The following TEX9 variants were observed in gnomAD, a reference collection of about 807,000 sequenced individuals.
The protein encoded by TEX9 is testis expressed 9.
In TEX9, 74 loss-of-function variants were observed where a neutral mutation model predicts 59.6. That is an observed-to-expected ratio of 1.24 (90% CI 1.03 to 1.51). The LOEUF (loss-of-function observed/expected upper bound fraction) is 1.51. Among genes scored for constraint, TEX9 ranks in the 40% most tolerant of loss-of-function variants. TEX9 has a pLI of 0.00. For missense variants in TEX9, 522 were observed against 447.8 expected, an observed-to-expected ratio of 1.17 and a Z score of -1.49; for synonymous variants, 186 against 152.2, an observed-to-expected ratio of 1.22 and a Z score of -1.64.
intron 1 of TEX9, among the ~76,000 whole-genome samples, chr15:56,288,442 C>G (rs1415125539): frequency 6.6e-6 from 1 of 152,024 alleles, no homozygotes; most frequent in Non-Finnish European, 1.5e-5. Context: ...GATAAACTCC[C>G]TCAGATTTTG....
intron 3 of TEX9, among the ~76,000 whole-genome samples, chr15:56,373,709 G>A (rs2047296964): frequency 6.6e-6 from 1 of 152,124 alleles, no homozygotes; most frequent in Non-Finnish European, 1.5e-5. Context: ...TTTTCTAAAA[G>A]CCACTGAAAA....
chr15:56,365,369 C>A, upstream of TEX9: 3 of 1,536,722 alleles, frequency 2.0e-6, no homozygotes, highest in Non-Finnish European at 2.6e-6. Flanking sequence ...GCGTAGGCGC[C>A]CGGGCGGGAG....
At chr15:56,388,801 C>G (rs1596162666) in intron 5 of TEX9, among the ~76,000 whole-genome samples, 3 of 151,800 alleles carry the variant, frequency 2.0e-5, no homozygotes, top group African/African-American at 7.2e-5. Flanking sequence ...ACGCTTAAAT[C>G]TAGTAGAGAG....
chr15:56,355,442 A>G (rs544536939), intron 1 of TEX9, among the ~76,000 whole-genome samples: 4 of 152,122 alleles, frequency 2.6e-5, no homozygotes, highest in African/African-American at 4.8e-5. Context: ...TTGTGGGTCT[A>G]CATCTGGACT....
At chr15:56,329,545 G>A (rs2046097833) in intron 1 of TEX9, among the ~76,000 whole-genome samples, 1 of 152,082 alleles carries the variant, frequency 6.6e-6, no homozygotes, top group Admixed American at 6.5e-5. Context: ...TCAAGATAAT[G>A]CAGAGAAGGA....
downstream of TEX9, among the ~76,000 whole-genome samples, chr15:56,448,672 T>G (rs2050925400): frequency 6.6e-6 from 1 of 152,192 alleles, no homozygotes; most frequent in African/African-American, 2.4e-5. Flanking sequence ...TCTTTGCTAT[T>G]ATGAATAGCA....
At chr15:56,305,099 A>T (rs1596076333) in intron 1 of TEX9, among the ~76,000 whole-genome samples, 3 of 152,306 alleles carry the variant, frequency 2.0e-5, no homozygotes, top group African/African-American at 7.2e-5. Context: ...CTACAGTAAA[A>T]ACTATAAAAC....
At chr15:56,398,241 A>C (rs2048573889) in intron 9 of TEX9, 1 of 152,208 alleles carries the variant, frequency 6.6e-6, no homozygotes, top group South Asian at 2.1e-4. Context: ...AATATCTCAA[A>C]ATCTCTTTAA....
At chr15:56,331,122 G>A (rs2046130587) in intron 1 of TEX9, among the ~76,000 whole-genome samples, 1 of 152,158 alleles carries the variant, frequency 6.6e-6, no homozygotes, top group African/African-American at 2.4e-5. Context: ...GAATATATGT[G>A]CAGCCAACAT....
At chr15:56,420,195 T>A (rs1416270678) in intron 10 of TEX9, among the ~76,000 whole-genome samples, 2 of 151,848 alleles carry the variant, frequency 1.3e-5, no homozygotes, top group Admixed American at 1.3e-4. Context: ...GTTTACTAAT[T>A]CTGGTTTTAT....
At chr15:56,363,972 G>C (rs748760137), upstream of TEX9, among the ~76,000 whole-genome samples, 13 of 150,926 alleles carry the variant, frequency 8.6e-5, no homozygotes, top group Non-Finnish European at 1.6e-4. Flanking sequence ...ATGAGCCACT[G>C]CACCTACCTA....
chr15:56,372,113 T>C (rs2047216673), intron 2 of TEX9, among the ~76,000 whole-genome samples: 1 of 152,130 alleles, frequency 6.6e-6, no homozygotes, highest in Non-Finnish European at 1.5e-5. Flanking sequence ...CATAGTCTTC[T>C]CAGTCATCTT....
intron 1 of TEX9, among the ~76,000 whole-genome samples, chr15:56,269,653 CTT>C (rs1309147898): frequency 6.9e-5 from 9 of 131,334 alleles, no homozygotes; most frequent in African/African-American, 1.1e-4. Flanking sequence ...CTTTTCTTTT[CTT>C]TTTTTTTTTT....
chr15:56,355,302 A>T (rs534859203), intron 1 of TEX9, among the ~76,000 whole-genome samples: 10 of 152,286 alleles, frequency 6.6e-5, no homozygotes, highest in African/African-American at 2.2e-4. Flanking sequence ...ACTTTATGAG[A>T]CACTGTCAAA....
intron 1 of TEX9, among the ~76,000 whole-genome samples, chr15:56,306,257 CAAAAAAAAA>C (rs55882329): frequency 1.3e-5 from 1 of 79,450 alleles, no homozygotes; most frequent in Non-Finnish European, 2.3e-5. Flanking sequence ...AGGTACATAG[CAAAAAAAAA>C]AAAAAAAAAA....
intron 12 of TEX9, chr15:56,443,677 A>G: frequency 6.2e-7 from 1 of 1,613,216 alleles, no homozygotes; most frequent in South Asian, 1.1e-5. Flanking sequence ...CATTTTCTTG[A>G]ACTTTTGCCA....
In TEX9 at chr15:56,389,307, T is replaced by A; in HGVS notation, c.313-11T>A. 1 of 1,603,380 alleles carries A rather than the reference T, an allele frequency of 6.2e-7. No individual in the cohort carries two copies. On this transcript the variant is annotated splice_polypyrimidine_tract_variant and intron_variant, in intron 5 of 12. Coordinates refer to ENST00000352903, the Ensembl canonical transcript of TEX9. ...TCTAATTAGTCAATACTTTCAATTCTTTTCATGTAGCCAAAGACCAAAAAC... is the reference window on the plus strand; with the variant it reads ...TCTAATTAGTCAATACTTTCAATTCATTTCATGTAGCCAAAGACCAAAAAC...
chr15:56,447,544 T>C (rs2050916026), downstream of TEX9: 1 of 152,208 alleles, frequency 6.6e-6, no homozygotes, highest in South Asian at 2.1e-4. Flanking sequence ...CTGTAGATTA[T>C]TTTTCAAATC....
intron 4 of TEX9, among the ~76,000 whole-genome samples, chr15:56,384,579 T>G (rs537490710): frequency 6.6e-6 from 1 of 152,318 alleles, no homozygotes; most frequent in South Asian, 2.1e-4. Context: ...CACTGGAATT[T>G]TTAGGTTACT....
Sources: gnomAD v4.1 joint callset for allele counts (sites outside exome capture counted in the v4.1 genomes callset) on GRCh38, gnomAD v4.1.1 for gene constraint, MANE v1.5 for transcripts, NCBI Gene and HGNC (gene_info 2026-07-23, HGNC 2026-07-21) for gene names.